ACBD7: variants seen among roughly 807,000 people sequenced by gnomAD.
The protein encoded by ACBD7 is acyl-CoA binding domain containing 7, also known as acyl-CoA-binding domain-containing protein 7.
In ACBD7, 11 loss-of-function variants were observed where a neutral mutation model predicts 13.7. That is an observed-to-expected ratio of 0.80 (90% CI 0.50 to 1.33). ACBD7 has a LOEUF of 1.33. ACBD7 is among the 40% of genes most tolerant of loss of function. The pLI, the probability that ACBD7 is intolerant of heterozygous loss-of-function variation, is 0.00. For synonymous variants in ACBD7, 43 were observed against 37.7 expected, an observed-to-expected ratio of 1.14 and a Z score of -0.51; for missense variants, 111 against 103.0, an observed-to-expected ratio of 1.08 and a Z score of -0.33.
rs1426126348 is a variant in ACBD7, at chr10:15,078,589, C to A, written c.208G>T (p.Asp70Tyr). Residue 70 changes from aspartate to tyrosine, a missense_variant, in exon 4 of 4, where the codon GAT (aspartate) becomes TAT (tyrosine). Coordinates refer to ENST00000356189, the MANE Select transcript of ACBD7 (RefSeq NM_001039844.3). ...TTAGAAATATAGGCACTCGTCGCATCTTCCGTCGACAACCCTAGAAAGATA... is the reference window on the plus strand; with the variant it reads ...TTAGAAATATAGGCACTCGTCGCATATTCCGTCGACAACCCTAGAAAGATA... ...WNLKKGLSTE[D>Y]ATSAYISKAK... The A allele has an allele frequency of 6.2e-7, 1 of 1,614,150 alleles. No homozygotes were observed. Among genetic ancestry groups the A allele is most frequent in the Non-Finnish European group, 8.5e-7 (1 of 1,180,034 alleles).
chr10:15,078,385 C>T lies in ACBD7; in HGVS notation c.*145G>A. 1 of 1,514,330 alleles carries T rather than the reference C, an allele frequency of 6.6e-7. No individual in the cohort carries two copies. Among genetic ancestry groups the T allele is most frequent in the Non-Finnish European group, 8.8e-7 (1 of 1,140,080 alleles). 93.8% of individuals were successfully genotyped at this position (1,514,330 alleles called of 1,614,324 possible). A position where few individuals can be genotyped will look rare whatever the true frequency, so the allele number is the denominator to read the frequency against. ...TACAATTGAGTTAACTATGTAGTTTCAGTATACTTCTAAGTACTACAGCTC... is the reference window on the plus strand; with the variant it reads ...TACAATTGAGTTAACTATGTAGTTTTAGTATACTTCTAAGTACTACAGCTC... On this transcript the variant is annotated 3_prime_UTR_variant, in exon 4 of 4. Coordinates refer to ENST00000356189, the MANE Select transcript of ACBD7 (RefSeq NM_001039844.3).
At chr10:15,086,273 C>T (rs1317755769) in intron 1 of ACBD7, among the ~76,000 whole-genome samples, 2 of 151,796 alleles carry the variant, frequency 1.3e-5, no homozygotes, top group Non-Finnish European at 2.9e-5. Flanking sequence ...CGCCATTGCA[C>T]TCCAGCCTGG....
In ACBD7 at chr10:15,087,994, G is replaced by A. The variant is rs184635707; in HGVS notation, c.12+723C>T. On this transcript the variant is annotated intron_variant, in intron 1 of 3. Coordinates refer to ENST00000356189, the MANE Select transcript of ACBD7 (RefSeq NM_001039844.3). The stretch of plus-strand genomic sequence containing the variant: ...CGCCTCAACCTGGGCAACAGAATGA[G>A]ACTCTGTCTCAAAAAAGAAAAATAA... 2.6e-4 allele frequency among the ~76,000 whole-genome samples: 40 copies of A among 152,170 alleles called. No individual in the cohort carries two copies. In the East Asian group the frequency reaches 7.5e-3, roughly 29 times the overall value.
chr10:15,088,556 G>A, intron 1 of ACBD7, 161 bp downstream of exon 1: 5 of 982,432 alleles, frequency 5.1e-6, no homozygotes, highest in South Asian at 1.8e-5. Flanking sequence ...AGCAGGCACA[G>A]GTGCGGTCTA....
chr10:15,078,477 T>A lies in ACBD7; in HGVS notation c.*53A>T. ...TATGCCTCTCCCTCTAAATGTTAGG[T>A]CATGATAGCATTTGGAAGTCTTCAA... On this transcript the variant is annotated 3_prime_UTR_variant, in exon 4 of 4. Coordinates refer to ENST00000356189, the MANE Select transcript of ACBD7 (RefSeq NM_001039844.3). The A allele has an allele frequency of 6.2e-7, 1 of 1,612,074 alleles. No homozygotes were observed.
rs1441005922 is a variant in ACBD7 at position 15,075,791 on chromosome 10, T to C, written c.*2739A>G. 5.9e-5 allele frequency among the ~76,000 whole-genome samples: 9 copies of C among 151,934 alleles called. No individual in the cohort carries two copies. Among genetic ancestry groups the C allele is most frequent in the Admixed American group, 5.9e-4 (9 of 15,232 alleles). ...GAGTTCCAGACCAGCCTGGGCAACATGGTGAAACCCTGTCTCTATGAAAAA... is the reference window on the plus strand; with the variant it reads ...GAGTTCCAGACCAGCCTGGGCAACACGGTGAAACCCTGTCTCTATGAAAAA... On this transcript the variant is annotated 3_prime_UTR_variant, in exon 4 of 4. Coordinates refer to ENST00000356189, the MANE Select transcript of ACBD7 (RefSeq NM_001039844.3).
rs375215144 is a variant in ACBD7 at position 15,079,516 on chromosome 10, C to T, written c.13-476G>A. ...TCTTGAACTCCTGACCTCAAGTGAT[C>T]CCCCTGCCTCGGCCTCCCAAAGTGC... On this transcript the variant is annotated intron_variant, in intron 1 of 3. Coordinates refer to ENST00000356189, the MANE Select transcript of ACBD7 (RefSeq NM_001039844.3). Among the ~76,000 whole-genome samples the T allele has an allele frequency of 4.6e-5, 7 of 151,068 alleles. No individual in the cohort carries two copies. The East Asian group carries it at 1.4e-3, about 29-fold the overall frequency.
At chr10:15,080,050 A>C (rs987418270) in intron 1 of ACBD7, among the ~76,000 whole-genome samples, 8 of 152,038 alleles carry the variant, frequency 5.3e-5, no homozygotes, top group African/African-American at 1.9e-4. Context: ...TCATGCCTAC[A>C]TTCTTTAATA....
intron 1 of ACBD7, chr10:15,088,414 C>A (rs929848096): frequency 1.2e-5 from 6 of 487,396 alleles, no homozygotes; most frequent in African/African-American, 4.1e-5. Flanking sequence ...AGCGGGGGAT[C>A]TCGACTCCCT....
chr10:15,088,528 G>A, intron 1 of ACBD7, 189 bp downstream of exon 1: 1 of 790,822 alleles, frequency 1.3e-6, no homozygotes, highest in Non-Finnish European at 1.8e-6. Context: ...GTTGCCCTGG[G>A]AGCCCTGGCT....
rs1844676080 is a variant in ACBD7 at position 15,075,976 on chromosome 10, C to CAAAACAAAA, written c.*2553_*2554insTTTTGTTTT. On this transcript the variant is annotated 3_prime_UTR_variant, in exon 4 of 4. Transcript: ENST00000356189. ...GTAACAGAGTGACAGCCTGTCTCAA[C>CAAAACAAAA]AAAAAAAAAAAAAAAAAAAAAGAAA... 3.3e-6 allele frequency: 1 copy of CAAAACAAAA among 301,462 alleles called. No homozygotes were observed. The highest frequency in any genetic ancestry group is 3.0e-5 in the African/African-American group (1 of 33,538). The allele number at this position is 301,462 out of a possible 1,614,324, so 18.7% of individuals were successfully genotyped here.
rs1255073410 is a variant in ACBD7 at position 15,076,981 on chromosome 10, T to C, written c.*1549A>G. 2.1e-6 allele frequency: 2 copies of C among 954,768 alleles called. No individual in the cohort carries two copies. Among genetic ancestry groups the C allele is most frequent in the South Asian group, 4.8e-5 (1 of 20,648 alleles). The allele number at this position is 954,768 out of a possible 1,614,324, so 59.1% of individuals were successfully genotyped here. On this transcript the variant is annotated 3_prime_UTR_variant, in exon 4 of 4. Coordinates refer to ENST00000356189, the MANE Select transcript of ACBD7 (RefSeq NM_001039844.3). Reference sequence around the variant, plus strand: ...GAGAAAAGGGAATGCTTATACACTATTGGTGGGAATGTAAATTAGTACAAC... The same window carrying C: ...GAGAAAAGGGAATGCTTATACACTACTGGTGGGAATGTAAATTAGTACAAC...
At chr10:15,083,264 G>A (rs1663310588) in intron 1 of ACBD7, among the ~76,000 whole-genome samples, 2 of 152,156 alleles carry the variant, frequency 1.3e-5, no homozygotes, top group Admixed American at 1.3e-4. Flanking sequence ...TTAAGGGGCT[G>A]TTCTGATGCA....
intron 1 of ACBD7, among the ~76,000 whole-genome samples, chr10:15,082,428 T>C (rs937887807): frequency 1.3e-5 from 2 of 152,194 alleles, no homozygotes; most frequent in South Asian, 2.1e-4. Context: ...GAAAGATGTA[T>C]ACTAAAGATA....
At position 15,078,486 on chromosome 10, in the gene ACBD7, C is replaced by G. The variant is rs753530901; in HGVS notation, c.*44G>C. On this transcript the variant is annotated 3_prime_UTR_variant, in exon 4 of 4. Transcript: ENST00000356189. The stretch of plus-strand genomic sequence containing the variant: ...CCCTCTAAATGTTAGGTCATGATAG[C>G]ATTTGGAAGTCTTCAAAAGGAAAAA... 1.2e-6 allele frequency: 2 copies of G among 1,612,680 alleles called. No individual in the cohort carries two copies. Among genetic ancestry groups the G allele is most frequent in the South Asian group, 1.1e-5 (1 of 91,022 alleles).
In ACBD7 at chr10:15,076,440, GA is replaced by G; in HGVS notation, c.*2089del. ...AATGTCTTAAATGTAAAAATTTAAA[GA>G]AAAATAGATATTCCTATGGGGGCTT... On this transcript the variant is annotated 3_prime_UTR_variant, in exon 4 of 4. Coordinates refer to ENST00000356189, the MANE Select transcript of ACBD7 (RefSeq NM_001039844.3). 1.0e-6 allele frequency: 1 copy of G among 968,928 alleles called. No homozygotes were observed. The highest frequency in any genetic ancestry group is 1.2e-6 in the Non-Finnish European group (1 of 815,446). The allele number at this position is 968,928 out of a possible 1,614,324, so 60.0% of individuals were successfully genotyped here. A position where few individuals can be genotyped will look rare whatever the true frequency, so the allele number is the denominator to read the frequency against.
intron 1 of ACBD7, among the ~76,000 whole-genome samples, chr10:15,087,652 C>G (rs1240134458): frequency 6.6e-6 from 1 of 152,086 alleles, no homozygotes; most frequent in Non-Finnish European, 1.5e-5. Context: ...GCGGCGCACG[C>G]CTATAATCCC....
chr10:15,088,669 C>T (rs766511250), intron 1 of ACBD7, 48 bp downstream of exon 1: 1 of 1,586,950 alleles, frequency 6.3e-7, no homozygotes, highest in Non-Finnish European at 8.5e-7. Context: ...CTTAAGCACT[C>T]CCCTCGCGGA....
chr10:15,088,411 G>A, intron 1 of ACBD7: 1 of 494,822 alleles, frequency 2.0e-6, no homozygotes, highest in Non-Finnish European at 3.5e-6. Context: ...GGGAGCGGGG[G>A]ATCTCGACTC....
Sources: gnomAD v4.1 joint callset for allele counts (sites outside exome capture counted in the v4.1 genomes callset) on GRCh38, gnomAD v4.1.1 for gene constraint, MANE v1.5 for transcripts, NCBI Gene and HGNC (gene_info 2026-07-23, HGNC 2026-07-21) for gene names.